OR14A2: variants seen among roughly 807,000 people sequenced by gnomAD.
The protein encoded by OR14A2 is olfactory receptor 14A2.
For synonymous variants in OR14A2, 114 were observed against 58.6 expected, an observed-to-expected ratio of 1.95 and a Z score of -4.32; for missense variants, 237 against 152.9, an observed-to-expected ratio of 1.55 and a Z score of -2.90.
the OR14A2 span, among the ~76,000 whole-genome samples, chr1:247,741,218 T>C: frequency 6.6e-6 from 1 of 152,222 alleles, no homozygotes; most frequent in Non-Finnish European, 1.5e-5. Context: ...CACAAATATT[T>C]GACAGAAAAT....
At chr1:247,729,432 T>G in the OR14A2 span, among the ~76,000 whole-genome samples, 1 of 152,076 alleles carries the variant, frequency 6.6e-6, no homozygotes, top group East Asian at 1.9e-4. Context: ...AATAATCATC[T>G]GAGCACTTTG....
In OR14A2 at chr1:247,723,100, T is replaced by C. The variant is rs536511680; in HGVS notation, c.944A>G (p.Ter315=). 4.2e-6 allele frequency: 3 copies of C among 708,838 alleles called. No individual in the cohort carries two copies. In the African/African-American group the frequency reaches 5.3e-5, roughly 12 times the overall value. The allele number at this position is 708,838 out of a possible 1,614,324, so 43.9% of individuals were successfully genotyped here. ...TATCACTGACAGAACTTGAAAGTGT[T>C]AAATGAAGTAAGCCTCCTGACCATA... The change falls in exon 1 of 1, where the codon TAA becomes TGA. Residue 315 remains the stop codon, a stop_retained_variant. Transcript: ENST00000366485.
chr1:247,724,148 T>C, upstream of OR14A2: 1 of 565,552 alleles, frequency 1.8e-6, no homozygotes, highest in East Asian at 2.8e-5. Flanking sequence ...AGAGTCATAT[T>C]GATATACAAA....
the OR14A2 span, among the ~76,000 whole-genome samples, chr1:247,730,075 CA>C: frequency 2.0e-5 from 3 of 151,858 alleles, no homozygotes; most frequent in Non-Finnish European, 2.9e-5. Context: ...ATTTAGTTTT[CA>C]AAATTTTGTG....
the OR14A2 span, among the ~76,000 whole-genome samples, chr1:247,729,159 A>T: frequency 6.6e-6 from 1 of 152,116 alleles, no homozygotes; most frequent in East Asian, 1.9e-4. Context: ...TTCCCCAAAG[A>T]AAAATGTTTT....
the OR14A2 span, among the ~76,000 whole-genome samples, chr1:247,733,036 A>G: frequency 3.9e-5 from 6 of 152,142 alleles, 1 homozygote; most frequent in South Asian, 6.2e-4. Flanking sequence ...ATTCCTAGAT[A>G]TAAAACCAAT....
chr1:247,746,384 C>T, the OR14A2 span: 1 of 152,190 alleles, frequency 6.6e-6, no homozygotes, highest in Non-Finnish European at 1.5e-5. Flanking sequence ...GGGTGGCATC[C>T]ACTAGCGGAA....
At chr1:247,722,986 G>GA (rs948219829), downstream of OR14A2, 64 of 615,848 alleles carry the variant, frequency 1.0e-4, no homozygotes, top group Non-Finnish European at 1.7e-4. Flanking sequence ...TTTCTTCAGG[G>GA]AAAAAATAAT....
chr1:247,738,362 G>A, the OR14A2 span, among the ~76,000 whole-genome samples: 4 of 152,184 alleles, frequency 2.6e-5, no homozygotes, highest in Non-Finnish European at 5.9e-5. Flanking sequence ...TAATGAGGGA[G>A]AGAAGTGAAG....
At chr1:247,743,162 C>T in the OR14A2 span, among the ~76,000 whole-genome samples, 1 of 152,150 alleles carries the variant, frequency 6.6e-6, no homozygotes, top group Admixed American at 6.5e-5. Context: ...TAATGTTCCA[C>T]TTCCTGCCCA....
At chr1:247,739,097 A>T in the OR14A2 span, 1 of 780,768 alleles carries the variant, frequency 1.3e-6, no homozygotes, top group South Asian at 1.3e-5. Context: ...CAGCTGGAAC[A>T]TTCTCTCTGA....
chr1:247,739,681 G>C, the OR14A2 span: 7 of 601,546 alleles, frequency 1.2e-5, no homozygotes, highest in Non-Finnish European at 1.5e-5. Flanking sequence ...ATAATCTCAA[G>C]CAGTCAGTTT....
At chr1:247,731,747 G>A in the OR14A2 span, among the ~76,000 whole-genome samples, 2 of 152,010 alleles carry the variant, frequency 1.3e-5, no homozygotes, top group African/African-American at 2.4e-5. Flanking sequence ...TTTGTATACT[G>A]AGATTTCACA....
chr1:247,723,160 A>G lies in OR14A2; in HGVS notation c.884T>C (p.Met295Thr), dbSNP rs909486985. ...CAGCAACCTTATCAGAGCACATTTC[A>G]TGTCATTGTTCCGCAGGCTGTAGGT... Residue 295 changes from methionine to threonine, a missense_variant, in exon 1 of 1, where the codon ATG (methionine) becomes ACG (threonine). By Grantham distance (81) the Met-to-Thr change is moderately conservative. Coordinates refer to ENST00000366485, the Ensembl canonical transcript of OR14A2. 1.1e-5 allele frequency: 8 copies of G among 717,544 alleles called. No individual in the cohort carries two copies. In the African/African-American group the frequency reaches 1.2e-4, roughly 11 times the overall value. The allele number at this position is 717,544 out of a possible 1,614,324, so 44.4% of individuals were successfully genotyped here. A position where few individuals can be genotyped will look rare whatever the true frequency, so the allele number is the denominator to read the frequency against.
At chr1:247,738,973 G>A in the OR14A2 span, 8 of 780,656 alleles carry the variant, frequency 1.0e-5, no homozygotes, top group Non-Finnish European at 1.7e-5. Flanking sequence ...TCCTATGACC[G>A]CTATGCTGCC....
chr1:247,727,059 AT>A (rs558252091), upstream of OR14A2, among the ~76,000 whole-genome samples: 278 of 150,800 alleles, frequency 1.8e-3, 2 homozygotes, highest in African/African-American at 6.7e-3. Context: ...GTTTTTTCCA[AT>A]TCTGTGAAGA....
the OR14A2 span, among the ~76,000 whole-genome samples, chr1:247,747,446 C>G: frequency 1.4e-3 from 215 of 151,166 alleles, 1 homozygote; most frequent in Middle Eastern, 6.8e-3. Context: ...ACTGCAAGCT[C>G]TGCCTCCCAG....
the OR14A2 span, among the ~76,000 whole-genome samples, chr1:247,732,165 C>CT: frequency 4.6e-3 from 699 of 151,408 alleles, 2 homozygotes; most frequent in African/African-American, 0.015. Context: ...TTTGGCCTAA[C>CT]TTTTTTTTTG....
upstream of OR14A2, among the ~76,000 whole-genome samples, chr1:247,728,619 A>T (rs535851128): frequency 6.6e-6 from 1 of 152,270 alleles, no homozygotes; most frequent in South Asian, 2.1e-4. Flanking sequence ...AATTAGGAAA[A>T]GAGGAAGTCA....
Sources: allele counts gnomAD v4.1 joint callset (sites outside exome capture counted in the v4.1 genomes callset), GRCh38; gene constraint gnomAD v4.1.1; transcripts MANE v1.5; gene names NCBI Gene and HGNC (gene_info 2026-07-23, HGNC 2026-07-21).